The following CSMD1 variants were observed in gnomAD, a reference collection of about 807,000 sequenced individuals.
CSMD1 encodes the protein CUB and Sushi multiple domains 1.
CSMD1 carries 213 observed loss-of-function variants against 417.5 expected under a neutral mutation model. The ratio of observed to expected loss-of-function variants is 0.51; its 90% CI spans 0.46 to 0.57. The LOEUF is 0.57. Ranked by LOEUF, CSMD1 falls within the 20% of genes least tolerant of loss-of-function variation. The pLI, the probability that CSMD1 is intolerant of heterozygous loss-of-function variation, is 0.00. For synonymous variants in CSMD1, 2,862 were observed against 1,736.8 expected, an observed-to-expected ratio of 1.65 and a Z score of -16.11; for missense variants, 6,923 against 4,529.7, an observed-to-expected ratio of 1.53 and a Z score of -15.17.
chr8:4,919,499 G>A (rs1447159993), intron 1 of CSMD1, among the ~76,000 whole-genome samples: 1 of 152,134 alleles, frequency 6.6e-6, no homozygotes, highest in Non-Finnish European at 1.5e-5. Context: ...CATGTTATCG[G>A]TCATTTTGAT....
chr8:4,886,591 T>C (rs986736906), intron 1 of CSMD1, among the ~76,000 whole-genome samples: 6 of 151,952 alleles, frequency 3.9e-5, no homozygotes, highest in African/African-American at 1.5e-4. Flanking sequence ...TCTTTAATTG[T>C]TTCATATAAT....
chr8:3,142,088 C>T (rs1818536481), intron 41 of CSMD1, among the ~76,000 whole-genome samples: 1 of 152,290 alleles, frequency 6.6e-6, no homozygotes, highest in East Asian at 1.9e-4. Flanking sequence ...TGAGCCACCG[C>T]GCCCGGCCGC....
At chr8:3,584,710 A>G (rs1800524538) in intron 9 of CSMD1, among the ~76,000 whole-genome samples, 1 of 152,240 alleles carries the variant, frequency 6.6e-6, no homozygotes, top group African/African-American at 2.4e-5. Context: ...AAGAATGCAC[A>G]TTTACTATTT....
intron 50 of CSMD1, among the ~76,000 whole-genome samples, chr8:3,042,418 A>G (rs2128984439): frequency 6.6e-6 from 1 of 152,252 alleles, no homozygotes; most frequent in African/African-American, 2.4e-5. Context: ...TATCACCTTA[A>G]TAGGTATTTT....
intron 10 of CSMD1, among the ~76,000 whole-genome samples, chr8:3,562,086 T>C (rs144349987): frequency 6.6e-6 from 1 of 151,906 alleles, no homozygotes; most frequent in East Asian, 1.9e-4. Context: ...ATTCGGTACC[T>C]TCTTACAGAT....
chr8:3,864,334 A>C (rs1033886805), intron 5 of CSMD1, among the ~76,000 whole-genome samples: 1 of 149,322 alleles, frequency 6.7e-6, no homozygotes, highest in African/African-American at 2.5e-5. Flanking sequence ...TATGGTTATG[A>C]AAGACGATGC....
intron 1 of CSMD1, among the ~76,000 whole-genome samples, chr8:4,771,918 C>T (rs1395168058): frequency 2.0e-5 from 3 of 152,326 alleles, no homozygotes; most frequent in African/African-American, 7.2e-5. Flanking sequence ...CCCTCGGCTG[C>T]TACTCTAGCC....
intron 1 of CSMD1, among the ~76,000 whole-genome samples, chr8:4,801,223 C>G (rs376696664): frequency 5.3e-4 from 81 of 152,276 alleles, no homozygotes; most frequent in African/African-American, 1.8e-3. Flanking sequence ...AATCTTATTG[C>G]GGCCACCTTG....
At chr8:3,812,370 G>C (rs1009409062) in intron 5 of CSMD1, among the ~76,000 whole-genome samples, 2 of 152,094 alleles carry the variant, frequency 1.3e-5, no homozygotes, top group African/African-American at 4.8e-5. Flanking sequence ...TCTATACCAG[G>C]TAGTGAGATA....
chr8:3,861,733 A>C (rs1449363249), intron 5 of CSMD1, among the ~76,000 whole-genome samples: 1 of 152,184 alleles, frequency 6.6e-6, no homozygotes, highest in African/African-American at 2.4e-5. Context: ...TGTCTGCTAT[A>C]AAGATTTTAC....
intron 1 of CSMD1, among the ~76,000 whole-genome samples, chr8:4,642,896 A>T (rs1392075131): frequency 6.6e-6 from 1 of 152,200 alleles, no homozygotes; most frequent in African/African-American, 2.4e-5. Flanking sequence ...ACTGTTCTGT[A>T]TGTGGAGACA....
intron 30 of CSMD1, among the ~76,000 whole-genome samples, chr8:3,207,151 C>CTTTTT (rs35120987): frequency 2.1e-5 from 2 of 95,320 alleles, no homozygotes; most frequent in Non-Finnish European, 4.2e-5. Context: ...TTTTCATTTT[C>CTTTTT]TTTTTTTTTT....
intron 7 of CSMD1, among the ~76,000 whole-genome samples, chr8:3,682,813 T>A (rs7827517): frequency 6.6e-6 from 1 of 152,216 alleles, no homozygotes; most frequent in Non-Finnish European, 1.5e-5. Context: ...CAATGACAGA[T>A]GGGATTAAGA....
At chr8:4,062,007 G>A (rs989548040) in intron 3 of CSMD1, among the ~76,000 whole-genome samples, 2 of 152,082 alleles carry the variant, frequency 1.3e-5, no homozygotes, top group African/African-American at 4.8e-5. Flanking sequence ...AGAGGTCAAG[G>A]TGTAGTGGGG....
intron 4 of CSMD1, among the ~76,000 whole-genome samples, chr8:3,998,658 G>T (rs1207680229): frequency 6.6e-6 from 1 of 152,092 alleles, no homozygotes; most frequent in African/African-American, 2.4e-5. Context: ...GTAGAAAACA[G>T]TTACATGAAA....
intron 5 of CSMD1, among the ~76,000 whole-genome samples, chr8:3,766,325 A>C (rs919683332): frequency 6.6e-6 from 1 of 152,168 alleles, no homozygotes; most frequent in Admixed American, 6.5e-5. Context: ...CTGGTATTAA[A>C]AATCTTGGTT....
chr8:3,198,032 G>A lies in CSMD1; in HGVS notation c.5194+1682C>T, dbSNP rs549447834. Among the ~76,000 whole-genome samples the A allele has an allele frequency of 3.9e-5, 6 of 152,194 alleles. No individual in the cohort carries two copies. In the South Asian group the frequency reaches 1.2e-3, roughly 32 times the overall value. ...GTTAGAGTCGTCATATACTCTTGAGGACAAGAAAAATAAATTTCCTCTATA... is the reference window on the plus strand; with the variant it reads ...GTTAGAGTCGTCATATACTCTTGAGAACAAGAAAAATAAATTTCCTCTATA... On this transcript the variant is annotated intron_variant, in intron 33 of 69. Coordinates refer to ENST00000635120, the MANE Select transcript of CSMD1 (RefSeq NM_033225.6).
chr8:3,925,188 T>C (rs1423750020), intron 5 of CSMD1, among the ~76,000 whole-genome samples: 1 of 152,142 alleles, frequency 6.6e-6, no homozygotes, highest in Non-Finnish European at 1.5e-5. Flanking sequence ...AGAAAAGAAA[T>C]GTGTGTGTTT....
chr8:3,452,254 A>G (rs147939703), intron 12 of CSMD1, among the ~76,000 whole-genome samples: 1 of 152,210 alleles, frequency 6.6e-6, no homozygotes, highest in Non-Finnish European at 1.5e-5. Context: ...CAATCATGTC[A>G]TCTGGAAAAA....
Sources: gnomAD v4.1 joint callset for allele counts (sites outside exome capture counted in the v4.1 genomes callset) on GRCh38, gnomAD v4.1.1 for gene constraint, MANE v1.5 for transcripts, NCBI Gene and HGNC (gene_info 2026-07-23, HGNC 2026-07-21) for gene names.